The following ELF4 variants were observed in gnomAD, a reference collection of about 807,000 sequenced individuals.
ELF4 encodes E74 like ETS transcription factor 4.
In ELF4, 10 loss-of-function variants were observed where a neutral mutation model predicts 31.7. That is an observed-to-expected ratio of 0.32 (90% confidence interval 0.19 to 0.54). The LOEUF is 0.54. Ranked by LOEUF, ELF4 falls within the 20% of genes least tolerant of loss-of-function variation. The pLI is 0.95. For synonymous variants in ELF4, 208 were observed against 226.7 expected (o/e 0.92, Z 0.74); for missense variants, 418 against 522.0 (o/e 0.80, Z 1.94).
At chrX:130,078,374 CTT>C (rs1932853365) in intron 2 of ELF4, among the ~76,000 whole-genome samples, 1 of 114 alleles carries the variant, frequency 8.8e-3, no homozygotes. Context: ...CCCAGCACTT[CTT>C]GGGAGGCGTG....
intron 1 of ELF4, 92 bp from the exon 2 acceptor site, chrX:130,081,631 T>A: frequency 2.7e-6 from 1 of 369,431 alleles, no homozygotes; most frequent in Admixed American, 4.4e-5. Context: ...GACCCTGCCA[T>A]GCTAAGGCAG....
chrX:130,078,445 AC>A (rs1932854353), intron 2 of ELF4, among the ~76,000 whole-genome samples: 1 of 108,838 alleles, frequency 9.2e-6, no homozygotes, highest in African/African-American at 3.4e-5. Context: ...ACATTGTGAG[AC>A]CCCCATCTCT....
At chrX:130,097,882 C>T (rs1488599495) in intron 1 of ELF4, among the ~76,000 whole-genome samples, 1 of 112,851 alleles carries the variant, frequency 8.9e-6, no homozygotes, top group African/African-American at 3.2e-5. Flanking sequence ...CCACATCAAG[C>T]CCCACTTCCT....
chrX:130,067,142 A>G lies in ELF4; in HGVS notation c.1571T>C (p.Phe524Ser). 1 of 1,200,463 alleles carries G rather than the reference A, an allele frequency of 8.3e-7. No individual in the cohort carries two copies. The highest frequency in any genetic ancestry group is 3.0e-5 in the East Asian group (1 of 33,678). ...TGCTGTAGTGCCAGAAGTCCTGATG[A>G]AGGCAGCAATGACAGTCCCAGGGGG... ...SQPPGTVIAA[F>S]IRTSGTTAAP... The change falls in exon 9 of 9, where the codon TTC becomes TCC. Residue 524 changes from phenylalanine (F) to serine (S), a missense_variant. Physicochemically the swap from Phe to Ser is radical, Grantham distance 155. Around this residue, in one of 4 missense-constraint regions of ELF4, gnomAD observed 260 missense variants for 269.2 expected, o/e 0.97. Coordinates refer to ENST00000308167, the MANE Select transcript of ELF4 (RefSeq NM_001421.4).
intron 5 of ELF4, 60 bp from the exon 6 acceptor site, chrX:130,071,479 C>A: frequency 1.8e-6 from 2 of 1,120,821 alleles, no homozygotes; most frequent in Non-Finnish European, 2.4e-6. Flanking sequence ...CGGGAGCTGG[C>A]CAAGTTGGCT....
At position 130,081,516 on chromosome X, in the gene ELF4, G is replaced by A; in HGVS notation, c.-186C>T. The A allele has an allele frequency of 2.0e-6, 1 of 497,707 alleles. No individual in the cohort carries two copies. The highest frequency in any genetic ancestry group is 3.5e-6 in the Non-Finnish European group (1 of 283,431). 41.0% of individuals were successfully genotyped at this position (497,707 alleles called of 1,213,427 possible). A position where few individuals can be genotyped will look rare whatever the true frequency, so the allele number is the denominator to read the frequency against. On this transcript the variant is annotated 5_prime_UTR_variant, in exon 2 of 9. Transcript: ENST00000308167. ...AAGCCAGGCTCAAGGCTGCATTCTG[G>A]GCTGGACCAACCACAGGAGCGACCT...
chrX:130,078,126 C>T (rs1932850713), intron 2 of ELF4, among the ~76,000 whole-genome samples: 3 of 12 alleles, frequency 0.25, no homozygotes, highest in Admixed American at 0.75. Flanking sequence ...CGGCTCACTG[C>T]AACCTCCACT....
At chrX:130,106,088 G>A (rs1210273801) in intron 1 of ELF4, among the ~76,000 whole-genome samples, 4 of 110,768 alleles carry the variant, frequency 3.6e-5, no homozygotes, top group Non-Finnish European at 7.6e-5. Context: ...CGTGGCCAGG[G>A]AATAGAGAGA....
chrX:130,075,052 T>A (rs867842873), intron 2 of ELF4, among the ~76,000 whole-genome samples: 3 of 109,508 alleles, frequency 2.7e-5, no homozygotes, highest in South Asian at 3.9e-4. Context: ...CACTGCAACC[T>A]CCGCCTCCCG....
chrX:130,097,752 G>T (rs1933176638), intron 1 of ELF4, among the ~76,000 whole-genome samples: 1 of 113,024 alleles, frequency 8.8e-6, no homozygotes, highest in Admixed American at 9.3e-5. Context: ...GAGATGTCAG[G>T]AACCAGGTTC....
intron 4 of ELF4, among the ~76,000 whole-genome samples, 167 bp from the exon 5 acceptor site, chrX:130,072,584 G>A (rs1273226509): frequency 1.8e-5 from 2 of 112,620 alleles, no homozygotes; most frequent in Non-Finnish European, 3.8e-5. Context: ...ACCACGAGGA[G>A]AGGAAACATC....
Position 130,066,428 on chromosome X carries a change from C to A in ELF4, c.*293G>T, listed in dbSNP as rs1339167915. 5.5e-6 allele frequency: 2 copies of A among 364,741 alleles called. No individual in the cohort carries two copies. Among genetic ancestry groups the A allele is most frequent in the Non-Finnish European group, 9.5e-6 (2 of 209,844 alleles). The allele number at this position is 364,741 out of a possible 1,213,427, so 30.1% of individuals were successfully genotyped here. A position where few individuals can be genotyped will look rare whatever the true frequency, so the allele number is the denominator to read the frequency against. ...TCTTCTCACAAAGCTGCTGCACAAA[C>A]CCTGGCCACAAACTTCTGCCTGGCT... On this transcript the variant is annotated 3_prime_UTR_variant, in exon 9 of 9. Coordinates refer to ENST00000308167, the MANE Select transcript of ELF4 (RefSeq NM_001421.4).
chrX:130,081,923 G>A (rs1468331935), intron 1 of ELF4, among the ~76,000 whole-genome samples: 1 of 112,100 alleles, frequency 8.9e-6, no homozygotes, highest in Non-Finnish European at 1.9e-5. Context: ...TCCCCAGGGG[G>A]AGTCAGGGCG....
intron 1 of ELF4, among the ~76,000 whole-genome samples, chrX:130,101,789 A>G (rs1278474544): frequency 1.0e-5 from 1 of 99,652 alleles, no homozygotes; most frequent in South Asian, 4.4e-4. Context: ...ACAAGAGGGA[A>G]ACTCCGTCTC....
intron 1 of ELF4, among the ~76,000 whole-genome samples, chrX:130,096,409 C>T (rs745591866): frequency 8.1e-5 from 9 of 110,782 alleles, no homozygotes; most frequent in South Asian, 3.8e-4. Context: ...GTCTCAAATT[C>T]CTAGCCTCAA....
chrX:130,094,895 G>T (rs1002767479), intron 1 of ELF4, among the ~76,000 whole-genome samples: 5 of 111,435 alleles, frequency 4.5e-5, no homozygotes, highest in African/African-American at 1.6e-4. Context: ...GGGTGGAGGG[G>T]GTGGAAGCGC....
In ELF4 at chrX:130,065,953, A is replaced by G. The variant is rs138817013; in HGVS notation, c.*768T>C. 1,098 of 173,543 alleles carry G rather than the reference A, an allele frequency of 6.3e-3. 13 individuals are homozygous for G. The highest frequency in any genetic ancestry group is 0.03 in the African/African-American group (1,012 of 33,938). The allele number at this position is 173,543 out of a possible 1,213,427, so 14.3% of individuals were successfully genotyped here. A position where few individuals can be genotyped will look rare whatever the true frequency, so the allele number is the denominator to read the frequency against. ...CCAGGAAGAGTACCTTGGTCCAGCC[A>G]GTGAGGGCTGCTCCCAGAGCTGACT... On this transcript the variant is annotated 3_prime_UTR_variant, in exon 9 of 9. Transcript: ENST00000308167.
chrX:130,075,103 G>A (rs1932821610), intron 2 of ELF4, among the ~76,000 whole-genome samples: 1 of 109,988 alleles, frequency 9.1e-6, no homozygotes, highest in African/African-American at 3.3e-5. Context: ...CCAGTAGTTG[G>A]GATTACAGGT....
At position 130,063,979 on chromosome X, in the gene ELF4, TTA is replaced by T. The variant is rs1932609005; in HGVS notation, c.*2740_*2741del. Among the ~76,000 whole-genome samples the T allele has an allele frequency of 1.2e-5, 1 of 86,847 alleles. No individual in the cohort carries two copies. Among genetic ancestry groups the T allele is most frequent in the Non-Finnish European group, 2.0e-5 (1 of 48,910 alleles). The allele number at this position is 86,847 out of a possible 115,157, so 75.4% of individuals were successfully genotyped here. A position where few individuals can be genotyped will look rare whatever the true frequency, so the allele number is the denominator to read the frequency against. On this transcript the variant is annotated 3_prime_UTR_variant, in exon 9 of 9. Transcript: ENST00000308167. ...CTTTTTGTTTGCTTGATTTTTATTA[TTA>T]TTATTATTATTATTATTATTATTAT...
Sources: gnomAD v4.1 joint callset for allele counts (sites outside exome capture counted in the v4.1 genomes callset) on GRCh38, gnomAD v4.1.1 for gene constraint, gnomAD v4.1.1 regional missense constraint, MANE v1.5 for transcripts, NCBI Gene and HGNC (gene_info 2026-07-23, HGNC 2026-07-21) for gene names.